FAN1: variants seen among roughly 807,000 people sequenced by gnomAD.
FAN1 encodes fanconi-associated nuclease 1.
Under a neutral mutation model 104.9 loss-of-function variants are expected in FAN1, and 91 were observed. That is an observed-to-expected ratio of 0.87 (90% CI 0.73 to 1.03). FAN1 has a LOEUF of 1.03. FAN1 is among the 50% of genes least tolerant of loss of function. FAN1 has a pLI of 0.00. For synonymous variants in FAN1, 478 were observed against 457.6 expected (o/e 1.04, Z -0.57); for missense variants, 1,263 against 1,239.9 (o/e 1.02, Z -0.28).
At chr15:30,910,976 T>C in intron 4 of FAN1, 161 bp downstream of exon 4, 1 of 1,330,680 alleles carries the variant, frequency 7.5e-7, no homozygotes, top group Non-Finnish European at 9.6e-7. Flanking sequence ...GGATTCTTTC[T>C]TGGGTTATTA....
Position 30,922,303 on chromosome 15 carries a change from G to A in FAN1, c.2121G>A (p.Trp707Ter). 1 of 1,614,036 alleles carries A rather than the reference G, an allele frequency of 6.2e-7. No homozygotes were observed. The highest frequency in any genetic ancestry group is 8.5e-7 in the Non-Finnish European group (1 of 1,180,004). ...ATTGTCCTGACAGCAGAGGCCGATGGTGGGATCGACTGGCCCTTAATTTAC... is the reference window on the plus strand; with the variant it reads ...ATTGTCCTGACAGCAGAGGCCGATGATGGGATCGACTGGCCCTTAATTTAC... ...RIYCPDSRGR[W>*]WDRLALNLHQ... The change falls in exon 8 of 15, where the codon TGG becomes TGA. Residue 707 changes from tryptophan (W) to a stop codon, truncating the protein, a stop_gained. Transcript: ENST00000362065. LOFTEE classifies it high-confidence loss of function.
At chr15:30,907,223 A>G (rs111698035) in intron 2 of FAN1, among the ~76,000 whole-genome samples, 7,029 of 150,148 alleles carry the variant, frequency 0.047, 234 homozygotes, top group Non-Finnish European at 0.07. Flanking sequence ...TGGGATTACA[A>G]GCATAAGCCA....
intron 2 of FAN1, 63 bp from the exon 3 acceptor site, chr15:30,908,055 A>G (rs917127564): frequency 6.5e-6 from 9 of 1,394,970 alleles, no homozygotes; most frequent in Non-Finnish European, 7.8e-6. Context: ...TCGTACATTT[A>G]TTCACCTTAG....
At position 30,904,602 on chromosome 15, in the gene FAN1, C is replaced by T. The variant is rs1278691578; in HGVS notation, c.-62C>T. ...TCAAGAAAGTAAAAGTAAACCATTG[C>T]TATCTTTCACCTTAAATATCCTGTG... On this transcript the variant is annotated 5_prime_UTR_variant, in exon 2 of 15. Transcript: ENST00000362065. 3 of 1,507,992 alleles carry T rather than the reference C, an allele frequency of 2.0e-6. No homozygotes were observed. The highest frequency in any genetic ancestry group is 1.4e-5 in the African/African-American group (1 of 72,862). The allele number at this position is 1,507,992 out of a possible 1,614,324, so 93.4% of individuals were successfully genotyped here.
At chr15:30,929,140 G>A in intron 11 of FAN1, 63 bp from the exon 12 acceptor site, 1 of 1,455,122 alleles carries the variant, frequency 6.9e-7, no homozygotes, top group Non-Finnish European at 9.5e-7. Context: ...GTACTGACTA[G>A]TCCTCTGGTG....
chr15:30,939,333 G>A, intron 14 of FAN1: 1 of 985,450 alleles, frequency 1.0e-6, no homozygotes, highest in East Asian at 1.1e-4. Flanking sequence ...CACGGGCTCT[G>A]CTGGCGGGCA....
intron 10 of FAN1, 67 bp downstream of exon 10, chr15:30,926,006 T>C (rs2062453705): frequency 1.5e-5 from 23 of 1,513,808 alleles, no homozygotes; most frequent in South Asian, 8.1e-5. Context: ...CTGGATGGGC[T>C]GTCAGCAGTG....
chr15:30,905,153 G>T lies in FAN1; in HGVS notation c.490G>T (p.Val164Leu), dbSNP rs142350646. 8.7e-6 allele frequency: 14 copies of T among 1,613,804 alleles called. No homozygotes were observed. The highest frequency in any genetic ancestry group is 1.1e-5 in the Non-Finnish European group (13 of 1,179,990). ...AGCATCTAAATTGTCCAGAAAATAC[G>T]TAAAGGCTAAAAAATCAATAGATAA... ...SLASKLSRKY[V>L]KAKKSIDKDE... The change falls in exon 2 of 15, where the codon GTA (valine) becomes TTA (leucine). Residue 164 changes from valine (V) to leucine (L), a missense_variant. By Grantham distance (32) the Val-to-Leu change is conservative. Coordinates refer to ENST00000362065, the MANE Select transcript of FAN1 (RefSeq NM_014967.5).
At chr15:30,941,175 G>A in intron 14 of FAN1, 1 of 1,329,820 alleles carries the variant, frequency 7.5e-7, no homozygotes. Flanking sequence ...TAGCCTTCAG[G>A]AGGTGGTAGG....
Position 30,905,742 on chromosome 15 carries a change from G to T in FAN1, c.1079G>T (p.Gly360Val). 1.2e-6 allele frequency: 2 copies of T among 1,614,132 alleles called. No homozygotes were observed. Among genetic ancestry groups the T allele is most frequent in the African/African-American group, 1.3e-5 (1 of 75,020 alleles). The change falls in exon 2 of 15, where the codon GGG becomes GTG. Residue 360 changes from glycine (G) to valine (V), a missense_variant. Gly to Val is a moderately radical substitution (Grantham distance 109). Around this residue, in one of 2 missense-constraint regions of FAN1, gnomAD observed 682 missense variants for 571.1 expected, o/e 1.19. Coordinates refer to ENST00000362065, the MANE Select transcript of FAN1 (RefSeq NM_014967.5). Reference sequence around the variant, plus strand: ...CCTCACAGCATTCCTTTGGAGCAGGGGTCAAGCTGCAATGGTCCTGGTCAA... The same window carrying T: ...CCTCACAGCATTCCTTTGGAGCAGGTGTCAAGCTGCAATGGTCCTGGTCAA... ...DIPHSIPLEQ[G>V]SSCNGPGQTT...
At chr15:30,917,529 C>CT (rs1297357422) in intron 5 of FAN1, among the ~76,000 whole-genome samples, 1 of 152,128 alleles carries the variant, frequency 6.6e-6, no homozygotes, top group Non-Finnish European at 1.5e-5. Flanking sequence ...GTACTTCATG[C>CT]TTTTCTTTTA....
At chr15:30,935,733 G>T (rs2062834374) in intron 13 of FAN1, among the ~76,000 whole-genome samples, 1 of 152,020 alleles carries the variant, frequency 6.6e-6, no homozygotes, top group South Asian at 2.1e-4. Flanking sequence ...GTTTTTGAAA[G>T]ATATTTTCTC....
intron 14 of FAN1, chr15:30,939,200 G>A (rs1436167074): frequency 2.0e-6 from 2 of 985,230 alleles, no homozygotes; most frequent in East Asian, 1.1e-4. Context: ...AATAAAGTTA[G>A]TTAGCTATTT....
intron 10 of FAN1, 111 bp from the exon 11 acceptor site, chr15:30,928,442 T>A: frequency 6.6e-7 from 1 of 1,512,834 alleles, no homozygotes; most frequent in Non-Finnish European, 8.8e-7. Context: ...TTTCTATTAT[T>A]TTCTTGAAAT....
intron 14 of FAN1, chr15:30,941,098 G>A (rs1025096219): frequency 2.0e-5 from 25 of 1,226,382 alleles, no homozygotes; most frequent in Admixed American, 3.3e-5. Flanking sequence ...AAAATGACAC[G>A]AAACACAAAT....
intron 4 of FAN1, 174 bp downstream of exon 4, chr15:30,910,989 C>G (rs866787199): frequency 2.3e-6 from 3 of 1,316,572 alleles, no homozygotes; most frequent in Non-Finnish European, 2.9e-6. Flanking sequence ...GGTTATTATT[C>G]AAAATTTTTG....
At chr15:30,941,225 C>CA (rs761535961) in intron 14 of FAN1, 1 of 1,406,978 alleles carries the variant, frequency 7.1e-7, no homozygotes, top group Middle Eastern at 1.9e-4. Flanking sequence ...ACAACATGAA[C>CA]AGTTTGATCA....
rs1483508780 is a variant in FAN1, at chr15:30,928,552, G to A, written c.2489-1G>A. 2 of 1,592,058 alleles carry A rather than the reference G, an allele frequency of 1.3e-6. No homozygotes were observed. The highest frequency in any genetic ancestry group is 1.4e-5 in the African/African-American group (1 of 71,508). ...TGTGTGTGTGTGTGACCTTGTCTTA[G>A]GGATTCATGGCGAAGGGTCCACCTT... On this transcript the variant is annotated splice_acceptor_variant, in intron 10 of 14. Coordinates refer to ENST00000362065, the MANE Select transcript of FAN1 (RefSeq NM_014967.5). LOFTEE classifies it high-confidence loss of function.
rs201153099 is a variant in FAN1, at chr15:30,905,847, T to C, written c.1184T>C (p.Leu395Pro). Residue 395 changes from leucine (L) to proline (P), a missense_variant, in exon 2 of 15, where the codon CTC becomes CCC. Around this residue, in one of 2 missense-constraint regions of FAN1, gnomAD observed 682 missense variants for 571.1 expected, o/e 1.19. Transcript: ENST00000362065. Reference protein sequence around the residue: ...TVLENEDDMLLFDEQEKGIVT... With the variant: ...TVLENEDDMLPFDEQEKGIVT... ...CTTGAGAATGAAGATGATATGTTGC[T>C]CTTTGATGAGCAGGAGAAGGGAATT... The C allele has an allele frequency of 2.9e-4, 471 of 1,614,092 alleles. 5 individuals are homozygous for C. The highest frequency in any genetic ancestry group is 2.8e-3 in the South Asian group (255 of 91,086).
Sources: allele counts gnomAD v4.1 joint callset (sites outside exome capture counted in the v4.1 genomes callset), GRCh38; gene constraint gnomAD v4.1.1; regional missense constraint gnomAD v4.1.1; transcripts MANE v1.5; gene names NCBI Gene and HGNC (gene_info 2026-07-23, HGNC 2026-07-21).